The following NCAM1 variants were observed in gnomAD, a reference collection of about 807,000 sequenced individuals.
NCAM1 encodes the protein neural cell adhesion molecule 1.
A neutral mutation model predicts 109.8 loss-of-function variants in NCAM1; 14 were observed. The ratio of observed to expected loss-of-function variants is 0.13; its 90% CI spans 0.08 to 0.20. The LOEUF (loss-of-function observed/expected upper bound fraction) is 0.20, where lower values mean the gene tolerates loss of function less well. NCAM1 is among the 10% of genes least tolerant of loss of function. NCAM1 has a pLI of 1.00. For synonymous variants in NCAM1, 418 were observed against 442.9 expected (o/e 0.94, Z 0.70); for missense variants, 774 against 1,109.9 (o/e 0.70, Z 4.30).
At chr11:112,972,912 A>G (rs1277299314) in intron 1 of NCAM1, among the ~76,000 whole-genome samples, 2 of 152,132 alleles carry the variant, frequency 1.3e-5, no homozygotes, top group African/African-American at 2.4e-5. Context: ...TCCTGGGCGC[A>G]TTGAACTATG....
chr11:113,244,169 A>T (rs1298002632), intron 14 of NCAM1, among the ~76,000 whole-genome samples: 1 of 152,184 alleles, frequency 6.6e-6, no homozygotes, highest in Non-Finnish European at 1.5e-5. Flanking sequence ...GTCCAGGCAC[A>T]GTAGGAGAAA....
chr11:113,220,811 G>T (rs1009918009), intron 8 of NCAM1, among the ~76,000 whole-genome samples: 1 of 151,686 alleles, frequency 6.6e-6, no homozygotes, highest in Non-Finnish European at 1.5e-5. Flanking sequence ...GGGTTTCACC[G>T]TGTTGGCCAG....
chr11:113,096,797 C>T (rs1939616056), intron 1 of NCAM1, among the ~76,000 whole-genome samples: 1 of 152,092 alleles, frequency 6.6e-6, no homozygotes, highest in African/African-American at 2.4e-5. Context: ...ATCTTGTTGC[C>T]TCAGCCATCC....
chr11:113,189,464 A>AAG (rs1555109448), intron 1 of NCAM1, among the ~76,000 whole-genome samples: 4 of 150,250 alleles, frequency 2.7e-5, no homozygotes, highest in Admixed American at 1.3e-4. Context: ...AAAAAAAAAA[A>AAG]AAAGAAAAGA....
chr11:113,271,938 C>T (rs1444910773), intron 19 of NCAM1, 62 bp downstream of exon 19: 179 of 1,261,596 alleles, frequency 1.4e-4, no homozygotes, highest in Non-Finnish European at 1.8e-4. Context: ...ACCTCCCCAC[C>T]CTACCCCCAC....
chr11:113,115,857 A>T (rs1286370904), intron 1 of NCAM1, among the ~76,000 whole-genome samples: 1 of 152,230 alleles, frequency 6.6e-6, no homozygotes, highest in Admixed American at 6.5e-5. Flanking sequence ...TTAGTTTTTA[A>T]TTGTGGGAAA....
chr11:113,109,034 G>A (rs1473350319), intron 1 of NCAM1, among the ~76,000 whole-genome samples: 2 of 147,418 alleles, frequency 1.4e-5, no homozygotes, highest in Non-Finnish European at 3.0e-5. Flanking sequence ...GCTCCTTGAA[G>A]TATTTTAACA....
chr11:113,070,742 G>C (rs1938224088), intron 1 of NCAM1, among the ~76,000 whole-genome samples: 2 of 152,184 alleles, frequency 1.3e-5, no homozygotes, highest in South Asian at 4.1e-4. Flanking sequence ...AGATTCCTCA[G>C]TGGCCTCTAT....
chr11:113,225,628 T>C (rs1451630789), intron 9 of NCAM1, among the ~76,000 whole-genome samples: 1 of 142,618 alleles, frequency 7.0e-6, no homozygotes, highest in East Asian at 1.9e-4. Context: ...GACACTTAAT[T>C]GTCAGATTCA....
chr11:113,025,050 T>C (rs563399457), intron 1 of NCAM1, among the ~76,000 whole-genome samples: 3 of 152,354 alleles, frequency 2.0e-5, no homozygotes, highest in Non-Finnish European at 2.9e-5. Context: ...GGTCTCATCA[T>C]TGATTCCAGG....
chr11:113,027,254 A>T (rs962107649), intron 1 of NCAM1, among the ~76,000 whole-genome samples: 1 of 152,262 alleles, frequency 6.6e-6, no homozygotes, highest in Admixed American at 6.5e-5. Flanking sequence ...AAGAAAAGAA[A>T]TTTGGGATCC....
chr11:113,038,308 C>G (rs1207656457), intron 1 of NCAM1, among the ~76,000 whole-genome samples: 1 of 152,208 alleles, frequency 6.6e-6, no homozygotes, highest in African/African-American at 2.4e-5. Flanking sequence ...AGATAATCCT[C>G]TCTGTGCAGA....
At chr11:113,061,940 G>A (rs148747143) in intron 1 of NCAM1, among the ~76,000 whole-genome samples, 3 of 152,198 alleles carry the variant, frequency 2.0e-5, no homozygotes, top group African/African-American at 4.8e-5. Flanking sequence ...AGTCCATCTC[G>A]ATGGTTCATT....
Position 113,275,700 on chromosome 11 carries a change from A to C in NCAM1, c.*313A>C. 3 of 207,046 alleles carry C rather than the reference A, an allele frequency of 1.4e-5. No individual in the cohort carries two copies. Among genetic ancestry groups the C allele is most frequent in the Non-Finnish European group, 1.9e-5 (2 of 103,402 alleles). The allele number at this position is 207,046 out of a possible 1,614,324, so 12.8% of individuals were successfully genotyped here. ...CTGAAACCGTTAAAAAATCAAACAA[A>C]AGGACCCCAAATTAAGAATCTAGGA... On this transcript the variant is annotated 3_prime_UTR_variant, in exon 20 of 20. Coordinates refer to ENST00000316851, the MANE Select transcript of NCAM1 (RefSeq NM_181351.5).
chr11:112,989,631 T>C (rs1390275069), intron 1 of NCAM1, among the ~76,000 whole-genome samples: 3 of 152,140 alleles, frequency 2.0e-5, no homozygotes, highest in Non-Finnish European at 2.9e-5. Flanking sequence ...TTCTTAGGAG[T>C]TGATTGTTGG....
intron 1 of NCAM1, among the ~76,000 whole-genome samples, chr11:113,043,187 GGTTTTAGAACTTCAT>G (rs1216705055): frequency 2.0e-5 from 3 of 152,022 alleles, no homozygotes; most frequent in Non-Finnish European, 4.4e-5. Flanking sequence ...GGCTGTATCA[GGTTTTAGAACTTCAT>G]CCTGTGGGTG....
At chr11:113,180,469 C>T (rs1244767270) in intron 1 of NCAM1, among the ~76,000 whole-genome samples, 2 of 152,212 alleles carry the variant, frequency 1.3e-5, no homozygotes, top group African/African-American at 4.8e-5. Flanking sequence ...TAGCATGACA[C>T]TTGATACTAA....
chr11:113,066,165 C>T (rs1203741849), intron 1 of NCAM1, among the ~76,000 whole-genome samples: 3 of 151,370 alleles, frequency 2.0e-5, no homozygotes, highest in Admixed American at 6.6e-5. Flanking sequence ...AAAAGGAAGT[C>T]GTATAAAGAT....
intron 14 of NCAM1, among the ~76,000 whole-genome samples, chr11:113,239,907 G>A (rs1280880703): frequency 6.6e-6 from 1 of 152,166 alleles, no homozygotes; most frequent in Non-Finnish European, 1.5e-5. Context: ...ATACACTGAG[G>A]TTTTTCCAAA....
Sources: gnomAD v4.1 joint callset for allele counts (sites outside exome capture counted in the v4.1 genomes callset) on GRCh38, gnomAD v4.1.1 for gene constraint, MANE v1.5 for transcripts, NCBI Gene and HGNC (gene_info 2026-07-23, HGNC 2026-07-21) for gene names.